The following SREBF2 variants were observed in gnomAD, a reference collection of about 807,000 sequenced individuals.
SREBF2 encodes sterol regulatory element-binding protein 2.
A neutral mutation model predicts 113.1 loss-of-function variants in SREBF2; 55 were observed. That is an observed-to-expected ratio of 0.49 (90% CI 0.39 to 0.61). The LOEUF (loss-of-function observed/expected upper bound fraction) is 0.61. SREBF2 is among the 20% of genes least tolerant of loss of function. The pLI, the probability that SREBF2 is intolerant of heterozygous loss-of-function variation, is 0.00. For missense variants in SREBF2, 1,349 were observed against 1,487.4 expected (o/e 0.91, Z 1.53); for synonymous variants, 593 against 605.7 (o/e 0.98, Z 0.31).
At chr22:41,877,125 G>A in intron 7 of SREBF2, 104 bp from the exon 8 acceptor site, 1 of 1,221,044 alleles carries the variant, frequency 8.2e-7, no homozygotes, top group Non-Finnish European at 1.2e-6. Context: ...TAATCGACTT[G>A]AATTTAAACC....
Position 41,904,984 on chromosome 22 carries a change from C to A in SREBF2, c.3205+10C>A. On this transcript the variant is annotated intron_variant, in intron 18 of 18. Coordinates refer to ENST00000361204, the MANE Select transcript of SREBF2 (RefSeq NM_004599.4). ...CAGAGCACCAAGCACGGTGAGTCCA[C>A]CCCTCCCCAGCTCACAGGCTGGGCC... The A allele has an allele frequency of 6.3e-7, 1 of 1,578,398 alleles. No homozygotes were observed. Among genetic ancestry groups the A allele is most frequent in the Non-Finnish European group, 8.6e-7 (1 of 1,167,474 alleles).
rs752843474 is a variant in SREBF2, at chr22:41,903,139, G to C, written c.3077G>C (p.Arg1026Pro). Residue 1026 changes from arginine (R) to proline (P), a missense_variant, in exon 17 of 19, where the codon CGC becomes CCC. Physicochemically the swap from Arg to Pro is moderately radical, Grantham distance 103. This residue lies in a region of SREBF2 where 650 missense variants were observed against 644.1 expected (regional missense o/e 1.01). Transcript: ENST00000361204. ...CTGCGCAGGCTGGCACACAGCTTCC[G>C]CCCAGCATACCGCAAGGTGAGGCCC... is the stretch of plus-strand genomic sequence containing the variant. ...GSLRRLAHSF[R>P]PAYRKVFLHE... The C allele has an allele frequency of 6.4e-7, 1 of 1,554,130 alleles. No homozygotes were observed. Among genetic ancestry groups the C allele is most frequent in the Admixed American group, 1.9e-5 (1 of 51,510 alleles).
At chr22:41,850,341 C>G (rs1225470884) in intron 1 of SREBF2, among the ~76,000 whole-genome samples, 1 of 151,284 alleles carries the variant, frequency 6.6e-6, no homozygotes, top group Non-Finnish European at 1.5e-5. Flanking sequence ...CCCAGCTACT[C>G]AGGAGGGTGA....
chr22:41,881,012 T>C lies in SREBF2; in HGVS notation c.2038+20T>C, dbSNP rs777952375. Reference sequence around the variant, plus strand: ...TCACAGGTGAGGGGGCAGCTGCTGCTGCCTGGCTTGCTGCAAGGCATCTCA... The same window carrying C: ...TCACAGGTGAGGGGGCAGCTGCTGCCGCCTGGCTTGCTGCAAGGCATCTCA... On this transcript the variant is annotated intron_variant, in intron 10 of 18. Coordinates refer to ENST00000361204, the MANE Select transcript of SREBF2 (RefSeq NM_004599.4). 4 of 1,601,180 alleles carry C rather than the reference T, an allele frequency of 2.5e-6. No homozygotes were observed. The African/African-American group carries it at 4.0e-5, about 16-fold the overall frequency.
At chr22:41,838,136 C>G (rs996836562) in intron 1 of SREBF2, among the ~76,000 whole-genome samples, 2 of 152,190 alleles carry the variant, frequency 1.3e-5, no homozygotes, top group African/African-American at 4.8e-5. Flanking sequence ...AGGTGGGATC[C>G]TCTTCCACTG....
intron 4 of SREBF2, 30 bp downstream of exon 4, chr22:41,871,065 C>G: frequency 6.2e-7 from 1 of 1,613,520 alleles, no homozygotes. Context: ...CCACCCTCCT[C>G]CCTCCCCCTT....
At chr22:41,839,783 T>G (rs1397232450) in intron 1 of SREBF2, among the ~76,000 whole-genome samples, 1 of 152,108 alleles carries the variant, frequency 6.6e-6, no homozygotes, top group Non-Finnish European at 1.5e-5. Context: ...TGGTGGACAT[T>G]TGGGCCGTTT....
chr22:41,898,600 G>T (rs1367875900), intron 14 of SREBF2, 49 bp from the exon 15 acceptor site: 2 of 1,612,698 alleles, frequency 1.2e-6, no homozygotes, highest in East Asian at 2.2e-5. Flanking sequence ...AGCGCCACAG[G>T]TCTCGTTTCT....
chr22:41,844,707 C>T (rs1389727705), intron 1 of SREBF2, among the ~76,000 whole-genome samples: 1 of 152,142 alleles, frequency 6.6e-6, no homozygotes. Context: ...GGTTCAGGAT[C>T]TAGTTTGGAA....
At chr22:41,888,093 T>G (rs975820555) in intron 11 of SREBF2, among the ~76,000 whole-genome samples, 2 of 152,246 alleles carry the variant, frequency 1.3e-5, no homozygotes, top group African/African-American at 2.4e-5. Flanking sequence ...GGGGCTTGCC[T>G]GTTCTGTCTT....
At chr22:41,867,306 G>T in intron 2 of SREBF2, 26 bp downstream of exon 2, 1 of 1,612,276 alleles carries the variant, frequency 6.2e-7, no homozygotes, top group South Asian at 1.1e-5. Flanking sequence ...GAATGGTAGT[G>T]GTTGGTTGGT....
chr22:41,884,009 A>G (rs1328323693), intron 10 of SREBF2, among the ~76,000 whole-genome samples: 1 of 152,156 alleles, frequency 6.6e-6, no homozygotes, highest in Non-Finnish European at 1.5e-5. Flanking sequence ...CACCTCTCAT[A>G]GGGGAGGGTG....
chr22:41,870,763 T>C, intron 3 of SREBF2, 126 bp from the exon 4 acceptor site: 2 of 1,343,000 alleles, frequency 1.5e-6, no homozygotes, highest in South Asian at 1.2e-5. Flanking sequence ...TTCATTTTTT[T>C]ATTCTCAATT....
chr22:41,835,918 C>G (rs1042339844), intron 1 of SREBF2, among the ~76,000 whole-genome samples: 3 of 152,270 alleles, frequency 2.0e-5, no homozygotes, highest in Admixed American at 2.0e-4. Flanking sequence ...AGCCACTGTA[C>G]CCGACCCTGT....
intron 14 of SREBF2, among the ~76,000 whole-genome samples, chr22:41,898,113 T>A (rs115569231): frequency 0.017 from 2,615 of 150,946 alleles, 84 homozygotes; most frequent in African/African-American, 0.061. Context: ...GGGAGTGAAC[T>A]TTTTTATTTT....
chr22:41,891,993 G>T (rs937097790), intron 11 of SREBF2, among the ~76,000 whole-genome samples: 1 of 152,240 alleles, frequency 6.6e-6, no homozygotes, highest in South Asian at 2.1e-4. Context: ...AGTGACCGGG[G>T]CCCTGGCTCT....
chr22:41,887,262 C>G (rs1481317744), intron 11 of SREBF2, among the ~76,000 whole-genome samples: 1 of 151,910 alleles, frequency 6.6e-6, no homozygotes, highest in East Asian at 1.9e-4. Context: ...AAAAAGTATA[C>G]AAATCATAAA....
In SREBF2 at chr22:41,880,986, A is replaced by G. The variant is rs1354329361; in HGVS notation, c.2032A>G (p.Ile678Val). 1.2e-5 allele frequency: 19 copies of G among 1,606,954 alleles called. No individual in the cohort carries two copies. The highest frequency in any genetic ancestry group is 2.0e-4 in the Middle Eastern group (1 of 4,944). The change falls in exon 10 of 19, where the codon ATC (isoleucine) becomes GTC (valine). Residue 678 changes from isoleucine to valine, a missense_variant. Around this residue, in one of 2 missense-constraint regions of SREBF2, gnomAD observed 650 missense variants for 644.1 expected, o/e 1.01. Transcript: ENST00000361204. ...LAYHRLHQLH[I>V]TGKLPAGSAC... Reference sequence around the variant, plus strand: ...CTATCACCGGCTGCACCAGCTGCACATCACAGGTGAGGGGGCAGCTGCTGC... The same window carrying G: ...CTATCACCGGCTGCACCAGCTGCACGTCACAGGTGAGGGGGCAGCTGCTGC...
At chr22:41,837,717 G>A (rs1051750290) in intron 1 of SREBF2, among the ~76,000 whole-genome samples, 1 of 151,540 alleles carries the variant, frequency 6.6e-6, no homozygotes, top group East Asian at 1.9e-4. Flanking sequence ...AATTAGCCGG[G>A]CGTCGTGGCA....
Sources: allele counts gnomAD v4.1 joint callset (sites outside exome capture counted in the v4.1 genomes callset), GRCh38; gene constraint gnomAD v4.1.1; regional missense constraint gnomAD v4.1.1; transcripts MANE v1.5; gene names NCBI Gene and HGNC (gene_info 2026-07-23, HGNC 2026-07-21).